The following IL1RAPL1 variants were observed in gnomAD, a reference collection of about 807,000 sequenced individuals.
IL1RAPL1 encodes interleukin 1 receptor accessory protein like 1.
A neutral mutation model predicts 48.4 loss-of-function variants in IL1RAPL1; 3 were observed. The observed-to-expected ratio is 0.06, with a 90% CI of 0.03 to 0.16. The LOEUF (loss-of-function observed/expected upper bound fraction) is 0.16. Ranked by LOEUF, IL1RAPL1 falls within the 10% of genes least tolerant of loss-of-function variation. The probability of loss-of-function intolerance (pLI) is 1.00; values close to 1 mark genes in which losing one functional copy is unlikely to be tolerated. For synonymous variants in IL1RAPL1, 185 were observed against 187.7 expected, an observed-to-expected ratio of 0.99 and a Z score of 0.12; for missense variants, 349 against 530.6, an observed-to-expected ratio of 0.66 and a Z score of 3.36.
chrX:29,133,851 C>T (rs190390898), intron 2 of IL1RAPL1, among the ~76,000 whole-genome samples: 175 of 111,687 alleles, frequency 1.6e-3, no homozygotes, highest in African/African-American at 5.0e-3. Flanking sequence ...CCCTCCTTCT[C>T]CCAACCCCTA....
intron 6 of IL1RAPL1, among the ~76,000 whole-genome samples, chrX:29,817,787 C>G (rs1930528643): frequency 8.9e-6 from 1 of 111,850 alleles, no homozygotes; most frequent in Non-Finnish European, 1.9e-5. Flanking sequence ...GCTCATTTAG[C>G]AATGTCATCA....
intron 2 of IL1RAPL1, among the ~76,000 whole-genome samples, chrX:28,891,940 G>T (rs1207732190): frequency 9.0e-6 from 1 of 111,321 alleles, no homozygotes; most frequent in Non-Finnish European, 1.9e-5. Context: ...TATCATTATA[G>T]TTTTAATTTA....
At chrX:28,704,827 CACACAAAA>C (rs1935350097) in intron 1 of IL1RAPL1, among the ~76,000 whole-genome samples, 1 of 38,195 alleles carries the variant, frequency 2.6e-5, no homozygotes, top group African/African-American at 1.4e-4. Context: ...CACACACACA[CACACAAAA>C]AAAAAAAAAA....
chrX:29,142,196 CTT>C (rs751410621), intron 2 of IL1RAPL1, among the ~76,000 whole-genome samples: 7 of 111,734 alleles, frequency 6.3e-5, no homozygotes, highest in South Asian at 7.3e-4. Context: ...TTAAAAATAA[CTT>C]TTATTAAGAT....
At chrX:29,218,381 T>C (rs1269770425) in intron 2 of IL1RAPL1, among the ~76,000 whole-genome samples, 1 of 111,347 alleles carries the variant, frequency 9.0e-6, no homozygotes, top group Non-Finnish European at 1.9e-5. Flanking sequence ...TCCTCATATC[T>C]CCTAGGTAAG....
At chrX:29,494,603 C>G in intron 5 of IL1RAPL1, among the ~76,000 whole-genome samples, 1 of 111,697 alleles carries the variant, frequency 9.0e-6, no homozygotes, top group Middle Eastern at 4.6e-3. Context: ...GTGACAATTC[C>G]CATATGAGGT....
intron 6 of IL1RAPL1, among the ~76,000 whole-genome samples, chrX:29,678,342 C>CT (rs140827802): frequency 0.046 from 1,915 of 41,694 alleles, 687 homozygotes; most frequent in East Asian, 0.17. Context: ...TTCAACACTA[C>CT]TTTTTTTTTT....
At chrX:29,896,671 T>TG (rs1057321336) in intron 6 of IL1RAPL1, among the ~76,000 whole-genome samples, 7 of 111,375 alleles carry the variant, frequency 6.3e-5, no homozygotes, top group African/African-American at 2.0e-4. Flanking sequence ...GAAACCTGTG[T>TG]TTTTTGTTGT....
rs1156570756 is a variant in IL1RAPL1 at position 29,338,358 on chromosome X, C to T, written c.362+55141C>T. ...ATGAATCTAAAAGTGTTAAATTATA[C>T]GTTTGATTCTTTTCATTTCTAAGAA... On this transcript the variant is annotated intron_variant, in intron 3 of 10. Transcript: ENST00000378993. 5.4e-5 allele frequency among the ~76,000 whole-genome samples: 6 copies of T among 111,628 alleles called. No individual in the cohort carries two copies. The Middle Eastern group carries it at 0.014, about 255-fold the overall frequency.
intron 5 of IL1RAPL1, among the ~76,000 whole-genome samples, chrX:29,648,593 A>C (rs1602345245): frequency 8.9e-6 from 1 of 112,307 alleles, no homozygotes; most frequent in African/African-American, 3.2e-5. Context: ...AGACAAATAA[A>C]AATGGAAATA....
chrX:28,892,460 C>T (rs1467393056), intron 2 of IL1RAPL1, among the ~76,000 whole-genome samples: 1 of 110,873 alleles, frequency 9.0e-6, no homozygotes, highest in Non-Finnish European at 1.9e-5. Flanking sequence ...AAGGCAGGAA[C>T]AGGCCATTTA....
chrX:29,682,602 C>G (rs1926490444), intron 6 of IL1RAPL1, among the ~76,000 whole-genome samples: 1 of 111,968 alleles, frequency 8.9e-6, no homozygotes, highest in South Asian at 3.7e-4. Flanking sequence ...GTGTCTATTT[C>G]TCTTGTTGCA....
At chrX:28,974,538 GT>G (rs1237534997) in intron 2 of IL1RAPL1, among the ~76,000 whole-genome samples, 1 of 111,698 alleles carries the variant, frequency 9.0e-6, no homozygotes, top group African/African-American at 3.2e-5. Context: ...TTGAATTAAG[GT>G]TTCCTTTACT....
At chrX:29,367,939 A>G (rs1933489251) in intron 3 of IL1RAPL1, among the ~76,000 whole-genome samples, 2 of 109,708 alleles carry the variant, frequency 1.8e-5, no homozygotes, top group African/African-American at 6.6e-5. Flanking sequence ...GTATATATCT[A>G]TATTTTATCA....
intron 6 of IL1RAPL1, among the ~76,000 whole-genome samples, chrX:29,908,516 T>A: frequency 9.0e-6 from 1 of 110,720 alleles, no homozygotes; most frequent in Middle Eastern, 4.7e-3. Context: ...CCTAAAGTTC[T>A]ATCCAAATAT....
chrX:29,742,589 A>C (rs1257114902), intron 6 of IL1RAPL1, among the ~76,000 whole-genome samples: 1 of 111,167 alleles, frequency 9.0e-6, no homozygotes, highest in Non-Finnish European at 1.9e-5. Context: ...AAACAAAAAA[A>C]CCTCTAACTA....
chrX:29,925,506 C>A (rs1310941696), intron 8 of IL1RAPL1, among the ~76,000 whole-genome samples: 2 of 87,204 alleles, frequency 2.3e-5, no homozygotes, highest in Non-Finnish European at 4.2e-5. Flanking sequence ...TTATCCAATA[C>A]TAATGATTTT....
intron 2 of IL1RAPL1, among the ~76,000 whole-genome samples, chrX:29,208,890 C>A (rs1930719119): frequency 9.1e-6 from 1 of 110,223 alleles, no homozygotes; most frequent in African/African-American, 3.3e-5. Flanking sequence ...TACAGCCAAG[C>A]ATTTTTGGCC....
chrX:29,176,008 C>G (rs1930009342), intron 2 of IL1RAPL1, among the ~76,000 whole-genome samples: 1 of 108,417 alleles, frequency 9.2e-6, no homozygotes, highest in Non-Finnish European at 1.9e-5. Flanking sequence ...AGCTAGGGAG[C>G]TGGTTATACA....
Sources: gnomAD v4.1 joint callset for allele counts (sites outside exome capture counted in the v4.1 genomes callset) on GRCh38, gnomAD v4.1.1 for gene constraint, MANE v1.5 for transcripts, NCBI Gene and HGNC (gene_info 2026-07-23, HGNC 2026-07-21) for gene names.